MAF: variants seen among roughly 807,000 people sequenced by gnomAD.
The protein encoded by MAF is MAF bZIP transcription factor.
MAF carries 10 observed loss-of-function variants against 22.0 expected under a neutral mutation model. The ratio of observed to expected loss-of-function variants is 0.45; its 90% CI spans 0.28 to 0.77. The LOEUF (loss-of-function observed/expected upper bound fraction) is 0.77. MAF is among the 30% of genes least tolerant of loss of function. The pLI is 0.12. For synonymous variants in MAF, 337 were observed against 255.8 expected (o/e 1.32, Z -3.03); for missense variants, 544 against 548.4 (o/e 0.99, Z 0.08).
At chr16:79,211,884 C>T in the MAF span, 1 of 1,582,174 alleles carries the variant, frequency 6.3e-7, no homozygotes, top group Non-Finnish European at 8.6e-7. Flanking sequence ...CCAAATGTCC[C>T]TCCAACACAG....
chr16:79,579,399 T>C, the MAF span, among the ~76,000 whole-genome samples: 1 of 152,214 alleles, frequency 6.6e-6, no homozygotes, highest in South Asian at 2.1e-4. Flanking sequence ...CACAGATATA[T>C]ATGTGCTGAC....
chr16:79,403,539 T>C, the MAF span, among the ~76,000 whole-genome samples: 17 of 152,266 alleles, frequency 1.1e-4, no homozygotes, highest in African/African-American at 4.1e-4. Flanking sequence ...TCAGTGCTCA[T>C]CCTTCTCTTT....
chr16:79,268,650 G>A, the MAF span, among the ~76,000 whole-genome samples: 1 of 152,150 alleles, frequency 6.6e-6, no homozygotes, highest in Non-Finnish European at 1.5e-5. Context: ...AAAAGAACTG[G>A]AAGAATGAAT....
the MAF span, among the ~76,000 whole-genome samples, chr16:79,490,875 C>T: frequency 6.6e-6 from 1 of 152,132 alleles, no homozygotes; most frequent in Admixed American, 6.5e-5. Flanking sequence ...TCTGTGATGT[C>T]AGAGATGAAT....
chr16:79,513,423 T>G, the MAF span, among the ~76,000 whole-genome samples: 2 of 152,224 alleles, frequency 1.3e-5, no homozygotes, highest in African/African-American at 4.8e-5. Flanking sequence ...TCATGAGGAT[T>G]TGAGATAATA....
the MAF span, among the ~76,000 whole-genome samples, chr16:79,524,958 T>A: frequency 1.8e-4 from 27 of 152,232 alleles, no homozygotes; most frequent in Admixed American, 1.6e-3. Context: ...CAGCATTAGG[T>A]TACTTTAAGG....
chr16:79,298,263 C>T, the MAF span, among the ~76,000 whole-genome samples: 1 of 152,222 alleles, frequency 6.6e-6, no homozygotes, highest in Non-Finnish European at 1.5e-5. Context: ...AGGAAAAGAG[C>T]AGCCCTCCTC....
At chr16:79,342,275 G>T in the MAF span, among the ~76,000 whole-genome samples, 1 of 152,122 alleles carries the variant, frequency 6.6e-6, no homozygotes, top group Non-Finnish European at 1.5e-5. Context: ...CTCTACAAGT[G>T]CCCCTTGCCA....
At chr16:79,214,930 G>A in the MAF span, among the ~76,000 whole-genome samples, 81 of 150,402 alleles carry the variant, frequency 5.4e-4, no homozygotes, top group Admixed American at 8.6e-4. Flanking sequence ...GGCTGGTCTC[G>A]AACTCCTGAC....
At chr16:79,478,215 T>A in the MAF span, among the ~76,000 whole-genome samples, 3 of 152,188 alleles carry the variant, frequency 2.0e-5, no homozygotes, top group Admixed American at 2.0e-4. Context: ...CAATGGCCAA[T>A]CCTCAATCAC....
At chr16:79,243,119 C>T in the MAF span, among the ~76,000 whole-genome samples, 1 of 151,678 alleles carries the variant, frequency 6.6e-6, no homozygotes. Context: ...AAATCGACAC[C>T]CTAACATCAC....
the MAF span, among the ~76,000 whole-genome samples, chr16:79,222,191 T>C: frequency 6.6e-6 from 1 of 152,154 alleles, no homozygotes; most frequent in Non-Finnish European, 1.5e-5. Context: ...TTCAACATTA[T>C]TAAAGAAAAG....
the MAF span, among the ~76,000 whole-genome samples, chr16:79,486,721 T>A: frequency 6.6e-6 from 1 of 152,218 alleles, no homozygotes; most frequent in Admixed American, 6.5e-5. Context: ...ATTTCTTAAA[T>A]TCATTTGACC....
the MAF span, among the ~76,000 whole-genome samples, chr16:79,474,900 C>T: frequency 1.3e-5 from 2 of 152,172 alleles, no homozygotes; most frequent in Admixed American, 6.5e-5. Flanking sequence ...GATTCACCAT[C>T]ATCTAATTCA....
chr16:79,506,061 G>T, the MAF span, among the ~76,000 whole-genome samples: 1 of 152,092 alleles, frequency 6.6e-6, no homozygotes, highest in African/African-American at 2.4e-5. Context: ...TTTTTCCCAG[G>T]CTATAAGGAA....
the MAF span, among the ~76,000 whole-genome samples, chr16:79,576,308 G>A: frequency 1.4e-5 from 2 of 145,140 alleles, no homozygotes; most frequent in African/African-American, 5.1e-5. Flanking sequence ...CATACAATGT[G>A]AATTCCATCA....
the MAF span, among the ~76,000 whole-genome samples, chr16:79,523,930 C>T: frequency 6.6e-5 from 10 of 152,254 alleles, no homozygotes; most frequent in African/African-American, 2.4e-4. Flanking sequence ...TATTTCTTTT[C>T]TTCCCCACTA....
the MAF span, among the ~76,000 whole-genome samples, chr16:79,268,333 C>A: frequency 6.6e-6 from 1 of 152,140 alleles, no homozygotes; most frequent in African/African-American, 2.4e-5. Flanking sequence ...TGTTCATATC[C>A]TGAGTCTTTT....
chr16:79,355,110 A>G, the MAF span, among the ~76,000 whole-genome samples: 1 of 152,218 alleles, frequency 6.6e-6, no homozygotes, highest in Non-Finnish European at 1.5e-5. Context: ...CACCGAAATA[A>G]TCTCCACTTT....
Sources: allele counts gnomAD v4.1 joint callset (sites outside exome capture counted in the v4.1 genomes callset), GRCh38; gene constraint gnomAD v4.1.1; transcripts MANE v1.5; gene names NCBI Gene and HGNC (gene_info 2026-07-23, HGNC 2026-07-21).